Variants in HAAO observed in about 807,000 individuals in gnomAD.
The protein encoded by HAAO is 3-hydroxyanthranilate oxygenase.
A neutral mutation model predicts 46.2 loss-of-function variants in HAAO; 49 were observed. That is an observed-to-expected ratio of 1.06 (90% confidence interval 0.84 to 1.34). The LOEUF (loss-of-function observed/expected upper bound fraction) is 1.34. Ranked by LOEUF, HAAO falls within the 40% of genes most tolerant of loss-of-function variation. The pLI, the probability that HAAO is intolerant of heterozygous loss-of-function variation, is 0.00. For missense variants in HAAO, 408 were observed against 364.5 expected, an observed-to-expected ratio of 1.12 and a Z score of -0.97; for synonymous variants, 157 against 145.2, an observed-to-expected ratio of 1.08 and a Z score of -0.58.
In HAAO at chr2:42,767,237, G is replaced by T. The variant is rs539324614; in HGVS notation, c.*200C>A. The T allele has an allele frequency of 3.2e-6, 2 of 616,132 alleles. No homozygotes were observed. Among genetic ancestry groups the T allele is most frequent in the East Asian group, 5.5e-5 (2 of 36,450 alleles). 38.2% of individuals were successfully genotyped at this position (616,132 alleles called of 1,614,324 possible). ...GCAGTGGGCTGAGTCTGCCAGAGAA[G>T]ATGGGGAGCTGCTGCCCGCCCAGGG... On this transcript the variant is annotated 3_prime_UTR_variant, in exon 10 of 10. Coordinates refer to ENST00000294973, the MANE Select transcript of HAAO (RefSeq NM_012205.3).
Position 42,767,423 on chromosome 2 carries a change from C to G in HAAO, c.*14G>C. 1 of 1,600,290 alleles carries G rather than the reference C, an allele frequency of 6.2e-7. No homozygotes were observed. The highest frequency in any genetic ancestry group is 8.6e-7 in the Non-Finnish European group (1 of 1,169,464). ...TTGGCACACCTGTGGCTGCTTCAGG[C>G]CATGGCAAGAGGGTCACCCCAGGGG... On this transcript the variant is annotated 3_prime_UTR_variant, in exon 10 of 10. Coordinates refer to ENST00000294973, the MANE Select transcript of HAAO (RefSeq NM_012205.3).
chr2:42,783,475 T>A, intron 3 of HAAO, 55 bp from the exon 4 acceptor site: 1 of 1,145,402 alleles, frequency 8.7e-7, no homozygotes, highest in Non-Finnish European at 1.3e-6. Flanking sequence ...ATGGAGACCT[T>A]AGCGCCCCCA....
In HAAO at chr2:42,770,694, C is replaced by T. The variant is rs887927713; in HGVS notation, c.351-112G>A. 6.3e-6 allele frequency: 4 copies of T among 636,438 alleles called. No individual in the cohort carries two copies. In the African/African-American group the frequency reaches 7.3e-5, roughly 12 times the overall value. 39.4% of individuals were successfully genotyped at this position (636,438 alleles called of 1,614,324 possible). A position where few individuals can be genotyped will look rare whatever the true frequency, so the allele number is the denominator to read the frequency against. On this transcript the variant is annotated intron_variant, in intron 4 of 9. Transcript: ENST00000294973. ...AGTCCCTGCAGAGCCCTGCTGTCTG[C>T]TCACCCCTGTTACACACCCTAGTGG...
intron 4 of HAAO, among the ~76,000 whole-genome samples, chr2:42,770,845 A>G (rs1173168548): frequency 6.6e-6 from 1 of 152,236 alleles, no homozygotes; most frequent in Admixed American, 6.5e-5. Context: ...TCCCAAAACT[A>G]GACAAAGCAG....
Position 42,767,937 on chromosome 2 carries a change from A to T in HAAO, c.631-9T>A, listed in dbSNP as rs752766018. 8 of 1,613,048 alleles carry T rather than the reference A, an allele frequency of 5.0e-6. No homozygotes were observed. The highest frequency in any genetic ancestry group is 2.5e-6 in the Non-Finnish European group (3 of 1,179,168). On this transcript the variant is annotated splice_polypyrimidine_tract_variant and intron_variant, in intron 7 of 9. Transcript: ENST00000294973. ...TGCCCATAGGCGATCACCTGGTGGG[A>T]GGTGAAACAGAAACTTCTGGTGCTT...
chr2:42,775,470 A>AT (rs946184252), intron 4 of HAAO, among the ~76,000 whole-genome samples: 10 of 152,194 alleles, frequency 6.6e-5, no homozygotes, highest in African/African-American at 2.4e-4. Flanking sequence ...ATTTAAAAAG[A>AT]TTTTTTTAAA....
intron 4 of HAAO, among the ~76,000 whole-genome samples, chr2:42,772,196 C>T (rs1671178871): frequency 6.6e-6 from 1 of 152,018 alleles, no homozygotes; most frequent in South Asian, 2.1e-4. Flanking sequence ...GTAAGAAATA[C>T]TCGGCCGAAT....
intron 6 of HAAO, 80 bp downstream of exon 6, chr2:42,770,063 C>G: frequency 7.3e-7 from 1 of 1,365,238 alleles, no homozygotes; most frequent in Non-Finnish European, 1.0e-6. Flanking sequence ...AAAAGAGACT[C>G]CCCGGTCCCC....
chr2:42,775,190 T>G (rs747635045), intron 4 of HAAO, among the ~76,000 whole-genome samples: 42 of 134,506 alleles, frequency 3.1e-4, no homozygotes, highest in Non-Finnish European at 5.9e-4. Flanking sequence ...GAGGTTGCAG[T>G]GAGCCGAGAT....
In HAAO at chr2:42,768,207, GC is replaced by G. The variant is rs1558657446; in HGVS notation, c.631-280del. On this transcript the variant is annotated intron_variant, in intron 7 of 9. Coordinates refer to ENST00000294973, the MANE Select transcript of HAAO (RefSeq NM_012205.3). Reference sequence around the variant, plus strand: ...CCCTCTGATGTGTGCTCATGCGAAGGCATGCTCACCAGGGCACATGAGGGAC... The same window carrying G: ...CCCTCTGATGTGTGCTCATGCGAAGGATGCTCACCAGGGCACATGAGGGAC... Among the ~76,000 whole-genome samples, 73 of 152,334 alleles carry G rather than the reference GC, an allele frequency of 4.8e-4. 1 individual carries two copies. Among genetic ancestry groups the G allele is most frequent in the African/African-American group, 1.7e-3 (72 of 41,568 alleles).
At chr2:42,781,998 G>A (rs1488694096) in intron 4 of HAAO, among the ~76,000 whole-genome samples, 1 of 152,184 alleles carries the variant, frequency 6.6e-6, no homozygotes, top group African/African-American at 2.4e-5. Flanking sequence ...GAAAAATTAT[G>A]TTTTGAAAAC....
chr2:42,773,915 GC>G (rs1339175954), intron 4 of HAAO, among the ~76,000 whole-genome samples: 1 of 152,076 alleles, frequency 6.6e-6, no homozygotes, highest in Non-Finnish European at 1.5e-5. Context: ...TATTCAAAGT[GC>G]CCCTCTGCTC....
chr2:42,770,762 G>A (rs1420497082), intron 4 of HAAO, among the ~76,000 whole-genome samples, 180 bp from the exon 5 acceptor site: 4 of 152,078 alleles, frequency 2.6e-5, no homozygotes, highest in Non-Finnish European at 5.9e-5. Context: ...GCACACGTGC[G>A]CCCCCTGAGA....
At chr2:42,778,033 CT>C (rs1671721437) in intron 4 of HAAO, among the ~76,000 whole-genome samples, 2 of 151,860 alleles carry the variant, frequency 1.3e-5, no homozygotes, top group Non-Finnish European at 2.9e-5. Context: ...AGTAAAATGA[CT>C]GGTTGTTGAA....
Position 42,767,218 on chromosome 2 carries a change from G to C in HAAO, c.*219C>G. 3.3e-6 allele frequency: 2 copies of C among 610,876 alleles called. No individual in the cohort carries two copies. Among genetic ancestry groups the C allele is most frequent in the East Asian group, 2.8e-5 (1 of 36,316 alleles). The allele number at this position is 610,876 out of a possible 1,614,324, so 37.8% of individuals were successfully genotyped here. A position where few individuals can be genotyped will look rare whatever the true frequency, so the allele number is the denominator to read the frequency against. On this transcript the variant is annotated 3_prime_UTR_variant, in exon 10 of 10. Transcript: ENST00000294973. ...ACCTGGCAAGACTGGCAAGGCAGTG[G>C]GCTGAGTCTGCCAGAGAAGATGGGG...
chr2:42,788,586 G>T lies in HAAO; in HGVS notation c.102C>A (p.Val34=), dbSNP rs762179805. The part of the protein sequence containing the change: ...NKLMHQEQLK[V]MFIGGPNTRK... ...TGGTGTTGGGGCCTCCGATGAACAT[G>T]ACTTTGAGCTGCTCCTGGTGCCTGC... The change falls in exon 2 of 10, where the codon GTC becomes GTA. Residue 34 remains valine (V), a synonymous_variant. Transcript: ENST00000294973. 1 of 1,593,544 alleles carries T rather than the reference G, an allele frequency of 6.3e-7. No individual in the cohort carries two copies. The highest frequency in any genetic ancestry group is 8.6e-7 in the Non-Finnish European group (1 of 1,161,624).
At chr2:42,774,814 GT>G (rs1454918464) in intron 4 of HAAO, among the ~76,000 whole-genome samples, 2 of 152,120 alleles carry the variant, frequency 1.3e-5, no homozygotes, top group Non-Finnish European at 2.9e-5. Flanking sequence ...GTTTGTTTCT[GT>G]TTTGTTGTTG....
At chr2:42,790,689 G>A (rs911287964) in intron 1 of HAAO, among the ~76,000 whole-genome samples, 1 of 151,962 alleles carries the variant, frequency 6.6e-6, no homozygotes, top group African/African-American at 2.4e-5. Flanking sequence ...GTGCCACCAC[G>A]CCCAGGTAAT....
chr2:42,770,067 G>C, intron 6 of HAAO, 76 bp downstream of exon 6: 1 of 1,399,536 alleles, frequency 7.1e-7, no homozygotes, highest in Non-Finnish European at 1.0e-6. Context: ...GAGACTCCCC[G>C]GTCCCCTGGA....
Sources: allele counts gnomAD v4.1 joint callset (sites outside exome capture counted in the v4.1 genomes callset), GRCh38; gene constraint gnomAD v4.1.1; transcripts MANE v1.5; gene names NCBI Gene and HGNC (gene_info 2026-07-23, HGNC 2026-07-21).